The following ERC1 variants were observed in gnomAD, a reference collection of about 807,000 sequenced individuals.
ERC1 encodes the protein RAB6 interacting protein 2.
In ERC1, 56 loss-of-function variants were observed where a neutral mutation model predicts 132.0. That is an observed-to-expected ratio of 0.42 (90% CI 0.34 to 0.53). ERC1 has a LOEUF of 0.53. Ranked by LOEUF, ERC1 falls within the 20% of genes least tolerant of loss-of-function variation. The pLI, the probability that ERC1 is intolerant of heterozygous loss-of-function variation, is 0.03. For synonymous variants in ERC1, 478 were observed against 476.1 expected (o/e 1.00, Z -0.05); for missense variants, 1,202 against 1,349.9 (o/e 0.89, Z 1.72).
chr12:1,100,692 G>C (rs1044545210), intron 3 of ERC1, among the ~76,000 whole-genome samples: 1 of 152,246 alleles, frequency 6.6e-6, no homozygotes, highest in Non-Finnish European at 1.5e-5. Flanking sequence ...AAGGCAGGAT[G>C]AGTGAAGCAA....
rs971211542 is a variant in ERC1, at chr12:1,315,727, CAGAG to C, written c.2780+25726_2780+25729del. On this transcript the variant is annotated intron_variant, in intron 15 of 18. Transcript: ENST00000360905. ...ATGGCACATTAGAGAGAGAGAAAGC[CAGAG>C]AGAGAGAGAGCGAGAGAGAGGAAAG... is the stretch of plus-strand genomic sequence containing the variant. 6.6e-5 allele frequency among the ~76,000 whole-genome samples: 10 copies of C among 150,598 alleles called. No homozygotes were observed. The South Asian group carries it at 1.0e-3, about 16-fold the overall frequency.
chr12:1,418,721 T>C (rs561376680), intron 17 of ERC1, among the ~76,000 whole-genome samples: 3 of 137,104 alleles, frequency 2.2e-5, no homozygotes, highest in South Asian at 4.8e-4. Flanking sequence ...TTTCTTTCTT[T>C]CTTTTTGGAG....
At position 1,083,259 on chromosome 12, in the gene ERC1, C is replaced by A; in HGVS notation, c.765C>A (p.Gly255=). 1.2e-6 allele frequency: 2 copies of A among 1,614,136 alleles called. No individual in the cohort carries two copies. The highest frequency in any genetic ancestry group is 8.5e-7 in the Non-Finnish European group (1 of 1,180,008). Residue 255 remains glycine, a synonymous_variant, in exon 3 of 19, where the codon GGC becomes GGA. Coordinates refer to ENST00000360905, the MANE Select transcript of ERC1 (RefSeq NM_178040.4). ...AGCAGGATAGTAGCAGCAGGACTGG[C>A]GAACCTTGTGTAGCAGAGCTGACAG... ...LFQQDSSSRT[G]EPCVAELTEE...
chr12:1,358,891 T>C (rs1050781764), intron 15 of ERC1, among the ~76,000 whole-genome samples: 1 of 152,226 alleles, frequency 6.6e-6, no homozygotes, highest in African/African-American at 2.4e-5. Context: ...TGCTAAATCA[T>C]TTAGAATTTC....
chr12:1,043,355 T>G (rs1188079652), intron 2 of ERC1, among the ~76,000 whole-genome samples: 1 of 152,210 alleles, frequency 6.6e-6, no homozygotes, highest in African/African-American at 2.4e-5. Context: ...TACAGAGTAT[T>G]TTCAAGAGAT....
At chr12:1,419,969 A>G (rs1489264269) in intron 17 of ERC1, among the ~76,000 whole-genome samples, 1 of 151,680 alleles carries the variant, frequency 6.6e-6, no homozygotes, top group African/African-American at 2.4e-5. Flanking sequence ...AAACATTTCA[A>G]GGTTTTGAAA....
At chr12:1,370,099 A>G (rs1452708307) in intron 15 of ERC1, among the ~76,000 whole-genome samples, 1 of 152,236 alleles carries the variant, frequency 6.6e-6, no homozygotes, top group Non-Finnish European at 1.5e-5. Context: ...GCATTTCCTC[A>G]GGTCAAAAGC....
intron 2 of ERC1, among the ~76,000 whole-genome samples, chr12:1,064,396 GATT>G: frequency 6.6e-6 from 1 of 151,854 alleles, no homozygotes; most frequent in Non-Finnish European, 1.5e-5. Flanking sequence ...TTATTACTGT[GATT>G]ATTATTATTT....
At chr12:1,449,995 G>A (rs983440873) in intron 18 of ERC1, among the ~76,000 whole-genome samples, 2 of 151,976 alleles carry the variant, frequency 1.3e-5, no homozygotes, top group South Asian at 2.1e-4. Flanking sequence ...TGAAAATATA[G>A]TATACCACTT....
At chr12:1,209,780 A>G (rs889529628) in intron 12 of ERC1, among the ~76,000 whole-genome samples, 9 of 152,202 alleles carry the variant, frequency 5.9e-5, no homozygotes, top group African/African-American at 2.2e-4. Flanking sequence ...GACTCACAAG[A>G]TTTTAGTGAG....
intron 15 of ERC1, among the ~76,000 whole-genome samples, chr12:1,343,083 T>C (rs1595119921): frequency 6.6e-6 from 1 of 152,172 alleles, no homozygotes; most frequent in African/African-American, 2.4e-5. Context: ...CTTTGAAATG[T>C]TTATTAAGAA....
intron 2 of ERC1, among the ~76,000 whole-genome samples, chr12:1,045,758 AT>A (rs1383822682): frequency 1.3e-5 from 2 of 152,178 alleles, no homozygotes; most frequent in Admixed American, 6.5e-5. Context: ...AAAAATTAAT[AT>A]TCAGTCATTT....
At chr12:1,015,184 T>C (rs1171300785) in intron 1 of ERC1, among the ~76,000 whole-genome samples, 1 of 151,938 alleles carries the variant, frequency 6.6e-6, no homozygotes, top group Non-Finnish European at 1.5e-5. Context: ...TCCTCTCACC[T>C]GAGTAACTGG....
intron 16 of ERC1, chr12:1,381,137 T>C (rs1031201806): frequency 6.6e-6 from 1 of 152,238 alleles, no homozygotes; most frequent in African/African-American, 2.4e-5. Flanking sequence ...CACCTTGCCC[T>C]TGACGGTGCC....
At chr12:1,448,615 G>C (rs548956103) in intron 18 of ERC1, among the ~76,000 whole-genome samples, 43 of 152,238 alleles carry the variant, frequency 2.8e-4, no homozygotes, top group Non-Finnish European at 5.3e-4. Context: ...TTGTGATGCA[G>C]AGCCTTCTGC....
intron 18 of ERC1, among the ~76,000 whole-genome samples, chr12:1,465,107 T>A (rs1263223634): frequency 1.3e-5 from 2 of 152,112 alleles, no homozygotes; most frequent in Non-Finnish European, 2.9e-5. Context: ...TCTTGACAAT[T>A]ACTGTAATCC....
intron 18 of ERC1, among the ~76,000 whole-genome samples, chr12:1,481,461 C>G (rs182179007): frequency 1.9e-3 from 289 of 152,320 alleles, no homozygotes; most frequent in Non-Finnish European, 3.2e-3. Context: ...AAAGTAATCA[C>G]GGTTACACAA....
Position 1,348,073 on chromosome 12 carries a change from A to G in ERC1, c.2781-23760A>G, listed in dbSNP as rs573644575. ...TCTCTAGAGTGTGGTACATTTTACAATGTGTTGTCTGCAGTGTTTATTTAC... is the reference window on the plus strand; with the variant it reads ...TCTCTAGAGTGTGGTACATTTTACAGTGTGTTGTCTGCAGTGTTTATTTAC... On this transcript the variant is annotated intron_variant, in intron 15 of 18. Coordinates refer to ENST00000360905, the MANE Select transcript of ERC1 (RefSeq NM_178040.4). Among the ~76,000 whole-genome samples the G allele has an allele frequency of 9.9e-5, 15 of 152,246 alleles. No individual in the cohort carries two copies. In the South Asian group the frequency reaches 1.2e-3, roughly 13 times the overall value.
chr12:1,349,520 C>T (rs953015268), intron 15 of ERC1, among the ~76,000 whole-genome samples: 4 of 151,986 alleles, frequency 2.6e-5, no homozygotes, highest in Admixed American at 1.3e-4. Flanking sequence ...AAAAATTAGC[C>T]AGGCATAGTG....
Sources: gnomAD v4.1 joint callset for allele counts (sites outside exome capture counted in the v4.1 genomes callset) on GRCh38, gnomAD v4.1.1 for gene constraint, MANE v1.5 for transcripts, NCBI Gene and HGNC (gene_info 2026-07-23, HGNC 2026-07-21) for gene names.